The following HOXC4 variants were observed in gnomAD, a reference collection of about 807,000 sequenced individuals.
HOXC4 encodes homeobox protein Hox-C4.
HOXC4 carries 15 observed loss-of-function variants against 25.5 expected under a neutral mutation model. That is an observed-to-expected ratio of 0.59 (90% CI 0.39 to 0.91). The LOEUF is 0.91. Among genes scored for constraint, HOXC4 ranks in the 40% least tolerant of loss-of-function variants. The pLI, the probability that HOXC4 is intolerant of heterozygous loss-of-function variation, is 0.00. For synonymous variants in HOXC4, 165 were observed against 148.0 expected (o/e 1.11, Z -0.83); for missense variants, 342 against 352.4 (o/e 0.97, Z 0.24).
At chr12:54,040,845 C>G (rs61921798) in intron 1 of HOXC4, among the ~76,000 whole-genome samples, 8,359 of 152,288 alleles carry the variant, frequency 0.055, 339 homozygotes, top group Non-Finnish European at 0.08. Context: ...CTTTATCAGA[C>G]TGCCTCAGGC....
chr12:54,028,603 T>A, intron 1 of HOXC4: 1 of 1,613,974 alleles, frequency 6.2e-7, no homozygotes, highest in South Asian at 1.1e-5. Flanking sequence ...CGCCCTCAAT[T>A]CCACCGCCTA....
At chr12:54,024,352 C>G (rs1308921867) in intron 1 of HOXC4, among the ~76,000 whole-genome samples, 1 of 152,140 alleles carries the variant, frequency 6.6e-6, no homozygotes, top group African/African-American at 2.4e-5. Context: ...GGTCCCCGAG[C>G]AGCCTCAGGA....
Position 54,054,984 on chromosome 12 carries a change from T to A in HOXC4, c.574T>A (p.Ser192Thr). The A allele has an allele frequency of 6.2e-7, 1 of 1,614,042 alleles. No homozygotes were observed. The highest frequency in any genetic ancestry group is 8.5e-7 in the Non-Finnish European group (1 of 1,180,024). The change falls in exon 2 of 2, where the codon TCG becomes ACG. Residue 192 changes from serine (S) to threonine (T), a missense_variant. Coordinates refer to ENST00000430889, the MANE Select transcript of HOXC4 (RefSeq NM_153633.3). The stretch of plus-strand genomic sequence containing the variant: ...AAGGAGAAGGATCGAGATCGCCCAC[T>A]CGCTGTGCCTCTCTGAGAGGCAGAT... ...TRRRRIEIAH[S>T]LCLSERQIKI...
intron 1 of HOXC4, among the ~76,000 whole-genome samples, chr12:54,038,625 C>A (rs1941224747): frequency 1.3e-5 from 2 of 152,202 alleles, no homozygotes; most frequent in Non-Finnish European, 2.9e-5. Flanking sequence ...GTCTCAGCCT[C>A]CGTAGTTTGG....
intron 1 of HOXC4, among the ~76,000 whole-genome samples, chr12:54,018,639 C>T (rs1940277566): frequency 6.6e-6 from 1 of 152,228 alleles, no homozygotes; most frequent in Non-Finnish European, 1.5e-5. Flanking sequence ...TGATATATGA[C>T]CCCGCCCTGC....
At chr12:54,017,964 A>C (rs959271930) in intron 1 of HOXC4, among the ~76,000 whole-genome samples, 1 of 152,030 alleles carries the variant, frequency 6.6e-6, no homozygotes, top group South Asian at 2.1e-4. Context: ...GTGTGGGCCC[A>C]GGGCCGGGCC....
At chr12:54,036,907 C>T (rs1477655433) in intron 1 of HOXC4, among the ~76,000 whole-genome samples, 1 of 152,192 alleles carries the variant, frequency 6.6e-6, no homozygotes, top group Non-Finnish European at 1.5e-5. Flanking sequence ...AGGCGCACCA[C>T]CCCAGGGGAA....
chr12:54,032,878 A>T (rs1240593843), intron 1 of HOXC4: 1 of 291,754 alleles, frequency 3.4e-6, no homozygotes, highest in East Asian at 6.4e-5. Context: ...ACATATCGAG[A>T]TGCTTTTCGC....
chr12:54,054,668 C>G (rs974936007), intron 1 of HOXC4, among the ~76,000 whole-genome samples, 182 bp from the exon 2 acceptor site: 1 of 152,106 alleles, frequency 6.6e-6, no homozygotes, highest in African/African-American at 2.4e-5. Flanking sequence ...AATGAGGATT[C>G]CCCTCTTATT....
At chr12:54,018,653 C>T (rs1219766584) in intron 1 of HOXC4, among the ~76,000 whole-genome samples, 2 of 152,220 alleles carry the variant, frequency 1.3e-5, no homozygotes, top group African/African-American at 4.8e-5. Flanking sequence ...GCCCTGCTCC[C>T]CGGCCTGGGT....
chr12:54,050,303 C>T (rs1207071424), upstream of HOXC4, among the ~76,000 whole-genome samples: 4 of 151,954 alleles, frequency 2.6e-5, no homozygotes, highest in Admixed American at 6.6e-5. Flanking sequence ...AACGTGTTTC[C>T]GAAAGAGAAA....
upstream of HOXC4, among the ~76,000 whole-genome samples, chr12:54,050,007 G>A (rs1450623574): frequency 6.6e-6 from 1 of 152,116 alleles, no homozygotes; most frequent in Non-Finnish European, 1.5e-5. Context: ...ATTTCAAAGA[G>A]TAGGGAAAGG....
intron 1 of HOXC4, among the ~76,000 whole-genome samples, chr12:54,038,322 A>C (rs1310740515): frequency 6.6e-6 from 1 of 152,224 alleles, no homozygotes; most frequent in African/African-American, 2.4e-5. Flanking sequence ...AGTTGAGAAG[A>C]AAGCAAGCGG....
At chr12:54,051,893 C>T (rs909643451), upstream of HOXC4, among the ~76,000 whole-genome samples, 2 of 152,222 alleles carry the variant, frequency 1.3e-5, no homozygotes, top group African/African-American at 4.8e-5. Flanking sequence ...GGGACCCTCT[C>T]CAACATCCCA....
At chr12:54,050,469 C>T (rs543201826), upstream of HOXC4, among the ~76,000 whole-genome samples, 12 of 152,212 alleles carry the variant, frequency 7.9e-5, no homozygotes, top group African/African-American at 2.6e-4. Flanking sequence ...GCCAGCAAGG[C>T]GGGAGGCAGG....
chr12:54,042,483 C>G (rs904368096), intron 1 of HOXC4, among the ~76,000 whole-genome samples: 2 of 152,148 alleles, frequency 1.3e-5, no homozygotes, highest in Non-Finnish European at 2.9e-5. Context: ...TTTGTGAGTG[C>G]CTCGACCCCT....
chr12:54,033,995 G>T (rs568846751), intron 1 of HOXC4: 1 of 644,120 alleles, frequency 1.6e-6, no homozygotes, highest in African/African-American at 1.8e-5. Flanking sequence ...GATCTCGAGG[G>T]TGCTTATTGT....
chr12:54,036,816 T>C (rs1941193167), intron 1 of HOXC4, among the ~76,000 whole-genome samples: 1 of 152,214 alleles, frequency 6.6e-6, no homozygotes, highest in African/African-American at 2.4e-5. Context: ...AACAGTTAAC[T>C]AAGAAAGAGG....
Position 54,047,059 on chromosome 12 carries a change from C to T in HOXC4, c.-123-6101C>T, listed in dbSNP as rs77247575. Among the ~76,000 whole-genome samples, 2,372 of 152,368 alleles carry T rather than the reference C, an allele frequency of 0.016. 154 individuals carry two copies. The East Asian group carries it at 0.18, about 11-fold the overall frequency. ...CGTAAAGTTGTGGCCGAATTCGCAT[C>T]TCTTCTGGTGCTTCTCGCCCGCCAG... On this transcript the variant is annotated intron_variant, in intron 1 of 3. Coordinates refer to the HOXC4 transcript ENST00000303406.
Sources: allele counts gnomAD v4.1 joint callset (sites outside exome capture counted in the v4.1 genomes callset), GRCh38; gene constraint gnomAD v4.1.1; transcripts MANE v1.5; gene names NCBI Gene and HGNC (gene_info 2026-07-23, HGNC 2026-07-21).